Variants in ANKRD12 observed in about 807,000 individuals in gnomAD.
The protein encoded by ANKRD12 is ankyrin repeat domain 12.
In ANKRD12, 85 loss-of-function variants were observed where a neutral mutation model predicts 183.4. The observed-to-expected ratio is 0.46, with a 90% CI of 0.39 to 0.56. The LOEUF is 0.56. Among genes scored for constraint, ANKRD12 ranks in the 20% least tolerant of loss-of-function variants. The pLI, the probability that ANKRD12 is intolerant of heterozygous loss-of-function variation, is 0.00. For synonymous variants in ANKRD12, 914 were observed against 800.2 expected (o/e 1.14, Z -2.40); for missense variants, 2,405 against 2,357.1 (o/e 1.02, Z -0.42).
At chr18:9,276,086 T>TG (rs1220587687) in intron 11 of ANKRD12, among the ~76,000 whole-genome samples, 1 of 152,224 alleles carries the variant, frequency 6.6e-6, no homozygotes, top group African/African-American at 2.4e-5. Context: ...TGAATGTTGG[T>TG]GGAATACATG....
rs1217827340 is a variant in ANKRD12, at chr18:9,154,760, G to GA, written c.-52+17796dup. On this transcript the variant is annotated intron_variant, in intron 1 of 12. Coordinates refer to ENST00000262126, the MANE Select transcript of ANKRD12 (RefSeq NM_015208.5). ...AATTTAATTTGTGGTATATTTTAGA[G>GA]ATGGAATCAGCATTTCTGAATTTCT... 2.6e-5 allele frequency among the ~76,000 whole-genome samples: 4 copies of GA among 152,334 alleles called. No homozygotes were observed. The East Asian group carries it at 7.7e-4, about 29-fold the overall frequency.
rs73394190 is a variant in ANKRD12, at chr18:9,264,984, C to T, written c.5763+1096C>T. Reference sequence around the variant, plus strand: ...CGGCATACCAGGAGATTATCTCCTGCGCCTGACTAAGAGAGTGCTACGCCC... The same window carrying T: ...CGGCATACCAGGAGATTATCTCCTGTGCCTGACTAAGAGAGTGCTACGCCC... On this transcript the variant is annotated intron_variant, in intron 10 of 12. Coordinates refer to ENST00000262126, the MANE Select transcript of ANKRD12 (RefSeq NM_015208.5). Among the ~76,000 whole-genome samples, 649 of 152,372 alleles carry T rather than the reference C, an allele frequency of 4.3e-3. 3 individuals are homozygous for T. Among genetic ancestry groups the T allele is most frequent in the African/African-American group, 0.014 (600 of 41,598 alleles).
At position 9,205,744 on chromosome 18, in the gene ANKRD12, A is replaced by C. The variant is rs773681363; in HGVS notation, c.304+1200A>C. Among the ~76,000 whole-genome samples the C allele has an allele frequency of 4.6e-5, 7 of 151,448 alleles. No individual in the cohort carries two copies. The East Asian group carries it at 1.2e-3, about 25-fold the overall frequency. On this transcript the variant is annotated intron_variant, in intron 4 of 12. Coordinates refer to ENST00000262126, the MANE Select transcript of ANKRD12 (RefSeq NM_015208.5). ...TTTTAGAACCAGAGAGTAATGGCAA[A>C]TTTTTTTTTCAGAATTGAAGTATGT... is the stretch of plus-strand genomic sequence containing the variant.
chr18:9,255,440 A>G lies in ANKRD12; in HGVS notation c.2173A>G (p.Lys725Glu), dbSNP rs1220499532. Residue 725 changes from lysine to glutamate, a missense_variant, in exon 9 of 13, where the codon AAA becomes GAA. By Grantham distance (56) the Lys-to-Glu change is moderately conservative (BLOSUM62 1). Transcript: ENST00000262126. ...ATCCTTAACATTAGAAAAAAAATCA[A>G]AATTGGAAAAAAACATCAAAGATGA... ...HESLTLEKKS[K>E]LEKNIKDDKS... The G allele has an allele frequency of 6.4e-7, 1 of 1,573,332 alleles. No homozygotes were observed. The highest frequency in any genetic ancestry group is 1.2e-5 in the South Asian group (1 of 83,332).
chr18:9,182,373 T>C lies in ANKRD12; in HGVS notation c.-51-9T>C. 3.5e-6 allele frequency: 4 copies of C among 1,145,290 alleles called. No homozygotes were observed. The African/African-American group carries it at 4.7e-5, about 13-fold the overall frequency. 70.9% of individuals were successfully genotyped at this position (1,145,290 alleles called of 1,614,324 possible). The stretch of plus-strand genomic sequence containing the variant: ...ATTCAAATAACCCTTATATATCTAT[T>C]CTTTACAGATCCAGGATGAGAAGAC... On this transcript the variant is annotated splice_polypyrimidine_tract_variant and intron_variant, in intron 1 of 12. Coordinates refer to ENST00000262126, the MANE Select transcript of ANKRD12 (RefSeq NM_015208.5).
At chr18:9,184,860 T>C (rs1395883116) in intron 2 of ANKRD12, among the ~76,000 whole-genome samples, 5 of 152,082 alleles carry the variant, frequency 3.3e-5, no homozygotes, top group South Asian at 2.1e-4. Context: ...TTAAATGTTA[T>C]TATGAAGATA....
intron 11 of ANKRD12, 135 bp downstream of exon 11, chr18:9,275,802 A>G (rs986772024): frequency 7.4e-6 from 6 of 810,284 alleles, no homozygotes; most frequent in African/African-American, 1.7e-5. Flanking sequence ...AACTCTTTCA[A>G]GCCAGAGTAC....
intron 8 of ANKRD12, among the ~76,000 whole-genome samples, chr18:9,227,792 T>A (rs1044893255): frequency 3.9e-5 from 6 of 152,208 alleles, no homozygotes; most frequent in African/African-American, 1.4e-4. Context: ...TTAAGTGTTA[T>A]TTTTATATGT....
rs370015410 is a variant in ANKRD12 at position 9,195,521 on chromosome 18, A to G, written c.88-30A>G. On this transcript the variant is annotated intron_variant, in intron 2 of 12. Coordinates refer to ENST00000262126, the MANE Select transcript of ANKRD12 (RefSeq NM_015208.5). ...ACTGTATTGCTTAGCTAATATTGAT[A>G]TAACTTTACTCTATTTGACTTTTTA... 5.4e-4 allele frequency: 831 copies of G among 1,531,124 alleles called. 1 individual carries two copies. Among genetic ancestry groups the G allele is most frequent in the Admixed American group, 1.3e-3 (63 of 49,018 alleles). 94.8% of individuals were successfully genotyped at this position (1,531,124 alleles called of 1,614,324 possible).
At chr18:9,232,598 G>GA (rs2037115924) in intron 8 of ANKRD12, among the ~76,000 whole-genome samples, 1 of 152,124 alleles carries the variant, frequency 6.6e-6, no homozygotes. Context: ...ATGTGCTGTG[G>GA]AAACCTTTTT....
chr18:9,215,861 G>A (rs982952619), intron 6 of ANKRD12, among the ~76,000 whole-genome samples: 1 of 152,034 alleles, frequency 6.6e-6, no homozygotes, highest in African/African-American at 2.4e-5. Context: ...AGAAATTGAG[G>A]AGCTAGTAGA....
intron 9 of ANKRD12, chr18:9,259,737 T>C (rs1278097861): frequency 6.6e-6 from 1 of 152,166 alleles, no homozygotes; most frequent in African/African-American, 2.4e-5. Context: ...TAGAAAGCAC[T>C]GTAGATTTCC....
At chr18:9,167,198 G>T (rs1437362208) in intron 1 of ANKRD12, among the ~76,000 whole-genome samples, 1 of 152,032 alleles carries the variant, frequency 6.6e-6, no homozygotes, top group Non-Finnish European at 1.5e-5. Context: ...TTGGCAATGC[G>T]GGCTCTTTTT....
At chr18:9,187,488 TTA>T (rs1332536362) in intron 2 of ANKRD12, among the ~76,000 whole-genome samples, 3 of 152,332 alleles carry the variant, frequency 2.0e-5, no homozygotes, top group African/African-American at 7.2e-5. Flanking sequence ...AATATTGCTG[TTA>T]TGAGGTCCTA....
chr18:9,195,348 A>T (rs1463275626), intron 2 of ANKRD12, among the ~76,000 whole-genome samples: 1 of 152,214 alleles, frequency 6.6e-6, no homozygotes, highest in African/African-American at 2.4e-5. Flanking sequence ...AAAAATAAAT[A>T]TAAAATTATG....
intron 8 of ANKRD12, among the ~76,000 whole-genome samples, chr18:9,246,662 G>T (rs575225360): frequency 6.6e-6 from 1 of 152,236 alleles, no homozygotes; most frequent in South Asian, 2.1e-4. Context: ...TAAAATTGAC[G>T]TATGTGCTTT....
At chr18:9,202,921 GA>G (rs1162679795) in intron 3 of ANKRD12, among the ~76,000 whole-genome samples, 2 of 152,126 alleles carry the variant, frequency 1.3e-5, no homozygotes, top group Non-Finnish European at 2.9e-5. Context: ...TCCAAAGGAT[GA>G]TTTGGATAAA....
chr18:9,161,539 C>G (rs888826202), intron 1 of ANKRD12, among the ~76,000 whole-genome samples: 4 of 151,728 alleles, frequency 2.6e-5, no homozygotes, highest in African/African-American at 9.7e-5. Flanking sequence ...CCACGCCTGG[C>G]TAATTTTTTG....
In ANKRD12 at chr18:9,256,311, A is replaced by T. The variant is rs553050035; in HGVS notation, c.3044A>T (p.Lys1015Ile). Residue 1015 changes from lysine (K) to isoleucine (I), a missense_variant, in exon 9 of 13, where the codon AAA (lysine) becomes ATA (isoleucine). This residue lies in a region of ANKRD12 where 1,983 missense variants were observed against 1,725.9 expected (regional missense o/e 1.15). Transcript: ENST00000262126. ...GAACCTTTGAAAACTCCAGATGGAAAAGAAAAAGATAAAAAAGATAAAGAT... is the reference window on the plus strand; with the variant it reads ...GAACCTTTGAAAACTCCAGATGGAATAGAAAAAGATAAAAAAGATAAAGAT... ...KDEPLKTPDGKEKDKKDKDID... is the reference protein window; with the variant it reads ...KDEPLKTPDGIEKDKKDKDID... 6.3e-7 allele frequency: 1 copy of T among 1,596,316 alleles called. No homozygotes were observed. Among genetic ancestry groups the T allele is most frequent in the South Asian group, 1.1e-5 (1 of 87,192 alleles).
Sources: gnomAD v4.1 joint callset for allele counts (sites outside exome capture counted in the v4.1 genomes callset) on GRCh38, gnomAD v4.1.1 for gene constraint, gnomAD v4.1.1 regional missense constraint, MANE v1.5 for transcripts, NCBI Gene and HGNC (gene_info 2026-07-23, HGNC 2026-07-21) for gene names.